Variants in ATP8B1 observed in about 807,000 individuals in gnomAD.
ATP8B1 encodes the protein phospholipid-transporting ATPase IC.
A neutral mutation model predicts 149.9 loss-of-function variants in ATP8B1; 80 were observed. The observed-to-expected ratio is 0.53, with a 90% confidence interval of 0.45 to 0.64. The LOEUF (loss-of-function observed/expected upper bound fraction) is 0.64, where lower values mean the gene tolerates loss of function less well. ATP8B1 is among the 30% of genes least tolerant of loss of function. ATP8B1 has a pLI of 0.00. For synonymous variants in ATP8B1, 536 were observed against 562.8 expected (o/e 0.95, Z 0.67); for missense variants, 1,247 against 1,552.6 (o/e 0.80, Z 3.31).
intron 1 of ATP8B1, among the ~76,000 whole-genome samples, chr18:57,760,967 C>T (rs934105655): frequency 6.6e-6 from 1 of 150,898 alleles, no homozygotes; most frequent in Non-Finnish European, 1.5e-5. Flanking sequence ...CCAGCCTGGG[C>T]AACAGAGCGA....
chr18:57,704,028 G>T (rs918103337), intron 4 of ATP8B1, among the ~76,000 whole-genome samples: 2 of 152,230 alleles, frequency 1.3e-5, no homozygotes, highest in South Asian at 4.1e-4. Context: ...GTGCAATGGT[G>T]TGATCTCGGC....
intron 2 of ATP8B1, among the ~76,000 whole-genome samples, chr18:57,729,143 CAG>C (rs1227632583): frequency 6.6e-6 from 1 of 152,100 alleles, no homozygotes; most frequent in Admixed American, 6.6e-5. Context: ...TGTAAAAAAA[CAG>C]GGGATGAGAG....
chr18:57,766,476 C>T (rs1409023353), intron 1 of ATP8B1, among the ~76,000 whole-genome samples: 1 of 152,164 alleles, frequency 6.6e-6, no homozygotes, highest in Non-Finnish European at 1.5e-5. Flanking sequence ...TCTAGCCAGG[C>T]AGTGTGCTAA....
At chr18:57,691,551 A>G (rs1440157772) in intron 12 of ATP8B1, among the ~76,000 whole-genome samples, 1 of 152,226 alleles carries the variant, frequency 6.6e-6, no homozygotes, top group Non-Finnish European at 1.5e-5. Context: ...GACAATGACT[A>G]CAGGAGTAGC....
Position 57,680,610 on chromosome 18 carries a change from C to A in ATP8B1, c.1630+3426G>T, listed in dbSNP as rs938952197. On this transcript the variant is annotated intron_variant, in intron 15 of 27. Coordinates refer to ENST00000648908, the MANE Select transcript of ATP8B1 (RefSeq NM_001374385.1). ...AAAAACAAAACAAAACAAAACAAAA[C>A]AAAACAAAAAAAAAACCACACACGC... Among the ~76,000 whole-genome samples, 130 of 143,516 alleles carry A rather than the reference C, an allele frequency of 9.1e-4. No homozygotes were observed. The East Asian group carries it at 0.019, about 21-fold the overall frequency. The allele number at this position is 143,516 out of a possible 152,430, so 94.2% of individuals were successfully genotyped here. A position where few individuals can be genotyped will look rare whatever the true frequency, so the allele number is the denominator to read the frequency against.
intron 26 of ATP8B1, 65 bp from the exon 27 acceptor site, chr18:57,650,562 G>T (rs548623313): frequency 6.4e-7 from 1 of 1,573,428 alleles, no homozygotes; most frequent in Non-Finnish European, 8.7e-7. Context: ...TTAATATTTC[G>T]CCAGGTGTGG....
At chr18:57,675,709 C>T (rs536787773) in intron 15 of ATP8B1, among the ~76,000 whole-genome samples, 256 of 152,170 alleles carry the variant, frequency 1.7e-3, no homozygotes, top group Non-Finnish European at 3.2e-3. Flanking sequence ...TATTCTCTTT[C>T]TTTCTTGTTT....
chr18:57,696,287 C>T (rs1261508558), intron 8 of ATP8B1, among the ~76,000 whole-genome samples: 2 of 152,124 alleles, frequency 1.3e-5, no homozygotes, highest in African/African-American at 4.8e-5. Flanking sequence ...GGCGCCGCGG[C>T]TCACGCATGT....
At chr18:57,752,098 T>C (rs2080026784) in intron 1 of ATP8B1, among the ~76,000 whole-genome samples, 1 of 151,760 alleles carries the variant, frequency 6.6e-6, no homozygotes, top group South Asian at 2.1e-4. Context: ...TCCCAGCTAC[T>C]TGAGAGGCTG....
In ATP8B1 at chr18:57,682,156, C is replaced by T. The variant is rs565198920; in HGVS notation, c.1630+1880G>A. Among the ~76,000 whole-genome samples the T allele has an allele frequency of 1.1e-4, 16 of 152,210 alleles. No homozygotes were observed. The East Asian group carries it at 2.9e-3, about 28-fold the overall frequency. ...AGTAGCTGGGATTATAGGCACATGCCACCATGCTTGGCTAATGTTTTGTAT... is the reference window on the plus strand; with the variant it reads ...AGTAGCTGGGATTATAGGCACATGCTACCATGCTTGGCTAATGTTTTGTAT... On this transcript the variant is annotated intron_variant, in intron 15 of 27. Transcript: ENST00000648908.
chr18:57,731,961 C>T, intron 1 of ATP8B1, 129 bp from the exon 2 acceptor site: 3 of 877,402 alleles, frequency 3.4e-6, no homozygotes, highest in South Asian at 1.4e-5. Flanking sequence ...TGGAATAGTA[C>T]CCCCAAATTC....
chr18:57,778,034 CA>C (rs1227019361), intron 1 of ATP8B1, among the ~76,000 whole-genome samples: 5 of 152,204 alleles, frequency 3.3e-5, no homozygotes, highest in African/African-American at 1.2e-4. Flanking sequence ...GATGGTATCA[CA>C]TCTTGACTTT....
chr18:57,775,835 C>T (rs1174373960), intron 1 of ATP8B1, among the ~76,000 whole-genome samples: 3 of 151,954 alleles, frequency 2.0e-5, no homozygotes, highest in Non-Finnish European at 2.9e-5. Flanking sequence ...GTAGAGACGG[C>T]GTTTCTCCAT....
intron 1 of ATP8B1, among the ~76,000 whole-genome samples, chr18:57,783,792 G>A (rs950435268): frequency 1.4e-4 from 21 of 151,948 alleles, no homozygotes; most frequent in African/African-American, 2.4e-4. Context: ...CTGAGATCGC[G>A]CCACTGAACT....
At chr18:57,716,804 G>C (rs1204302531) in intron 2 of ATP8B1, among the ~76,000 whole-genome samples, 1 of 152,010 alleles carries the variant, frequency 6.6e-6, no homozygotes. Flanking sequence ...AGAAACATGG[G>C]ACTTAATCTG....
rs1196479004 is a variant in ATP8B1 at position 57,652,492 on chromosome 18, T to C, written c.3253A>G (p.Asn1085Asp). 5.0e-6 allele frequency: 8 copies of C among 1,613,952 alleles called. No homozygotes were observed. Among genetic ancestry groups the C allele is most frequent in the Non-Finnish European group, 6.8e-6 (8 of 1,180,020 alleles). ...CAATGAAAGCCACGTACCTGGAAATTGACTGTTATTACAAGAGCAGAGGCA... is the reference window on the plus strand; with the variant it reads ...CAATGAAAGCCACGTACCTGGAAATCGACTGTTATTACAAGAGCAGAGGCA... ...TIASALVITVNFQIGLDTSYW... is the reference protein window; with the variant it reads ...TIASALVITVDFQIGLDTSYW... Residue 1085 changes from asparagine (N) to aspartate (D), a missense_variant, in exon 25 of 28, where the codon AAT (asparagine) becomes GAT (aspartate). This residue lies in a region of ATP8B1 where 230 missense variants were observed against 356.6 expected (regional missense o/e 0.65). Coordinates refer to ENST00000648908, the MANE Select transcript of ATP8B1 (RefSeq NM_001374385.1).
At chr18:57,788,255 C>T (rs902883250) in intron 1 of ATP8B1, among the ~76,000 whole-genome samples, 19 of 151,322 alleles carry the variant, frequency 1.3e-4, no homozygotes, top group Admixed American at 9.9e-4. Flanking sequence ...ATTTGAAGCA[C>T]GAAAAAATCG....
chr18:57,648,237 C>G lies in ATP8B1; in HGVS notation c.*251G>C, dbSNP rs1909308449. The G allele has an allele frequency of 1.7e-6, 1 of 577,678 alleles. No individual in the cohort carries two copies. Among genetic ancestry groups the G allele is most frequent in the Admixed American group, 2.8e-5 (1 of 35,722 alleles). The allele number at this position is 577,678 out of a possible 1,614,324, so 35.8% of individuals were successfully genotyped here. On this transcript the variant is annotated 3_prime_UTR_variant, in exon 28 of 28. Transcript: ENST00000648908. The stretch of plus-strand genomic sequence containing the variant: ...CTGGCCTCAGGTGATCTCCCCTCCT[C>G]AGCCTCCTAAAGTGCTGGGATTACA...
intron 1 of ATP8B1, among the ~76,000 whole-genome samples, chr18:57,801,437 G>A (rs1192365076): frequency 6.6e-6 from 1 of 152,210 alleles, no homozygotes; most frequent in Admixed American, 6.5e-5. Flanking sequence ...TAATCATCTT[G>A]TGCACAGTCT....
Sources: gnomAD v4.1 joint callset for allele counts (sites outside exome capture counted in the v4.1 genomes callset) on GRCh38, gnomAD v4.1.1 for gene constraint, gnomAD v4.1.1 regional missense constraint, MANE v1.5 for transcripts, NCBI Gene and HGNC (gene_info 2026-07-23, HGNC 2026-07-21) for gene names.